ROBO1: variants seen among roughly 807,000 people sequenced by gnomAD.
The protein encoded by ROBO1 is roundabout guidance receptor 1.
Under a neutral mutation model 195.9 loss-of-function variants are expected in ROBO1, and 149 were observed. The observed-to-expected ratio is 0.76, with a 90% confidence interval of 0.67 to 0.87. The LOEUF (loss-of-function observed/expected upper bound fraction) is 0.87. ROBO1 is among the 40% of genes least tolerant of loss of function. The pLI, the probability that ROBO1 is intolerant of heterozygous loss-of-function variation, is 0.00. For synonymous variants in ROBO1, 816 were observed against 733.2 expected, an observed-to-expected ratio of 1.11 and a Z score of -1.82; for missense variants, 1,933 against 2,068.3, an observed-to-expected ratio of 0.93 and a Z score of 1.27.
At chr3:79,588,272 G>A (rs929132692) in intron 2 of ROBO1, among the ~76,000 whole-genome samples, 11 of 151,568 alleles carry the variant, frequency 7.3e-5, no homozygotes, top group Non-Finnish European at 1.6e-4. Flanking sequence ...ATATCCTTTT[G>A]AATAAAAAGG....
Position 78,945,226 on chromosome 3 carries a change from G to T in ROBO1, c.173-6299C>A, listed in dbSNP as rs540411018. Among the ~76,000 whole-genome samples the T allele has an allele frequency of 2.0e-5, 3 of 152,284 alleles. No individual in the cohort carries two copies. In the South Asian group the frequency reaches 6.2e-4, roughly 32 times the overall value. ...GAGAATGGGCAGACTGCCTCCTCAA[G>T]TGGGTCCCTGACCCCCGAGTAGCCT... On this transcript the variant is annotated intron_variant, in intron 3 of 30. Coordinates refer to ENST00000464233, the MANE Select transcript of ROBO1 (RefSeq NM_002941.4).
intron 1 of ROBO1, among the ~76,000 whole-genome samples, chr3:79,590,886 T>A (rs1943978568): frequency 6.6e-6 from 1 of 151,722 alleles, no homozygotes; most frequent in African/African-American, 2.4e-5. Flanking sequence ...TTTAGGCTAT[T>A]ATAAGGAGAG....
chr3:78,978,917 A>G (rs2076936727), intron 3 of ROBO1, among the ~76,000 whole-genome samples: 2 of 152,130 alleles, frequency 1.3e-5, no homozygotes, highest in African/African-American at 4.8e-5. Flanking sequence ...CAACATTAGT[A>G]CTCTTCAAGT....
chr3:79,422,165 T>C (rs541707095), intron 2 of ROBO1, among the ~76,000 whole-genome samples: 168 of 148,342 alleles, frequency 1.1e-3, no homozygotes, highest in Middle Eastern at 3.6e-3. Context: ...ATACAATACA[T>C]ATCTTATGTA....
intron 1 of ROBO1, among the ~76,000 whole-genome samples, chr3:79,633,871 G>C (rs1945419830): frequency 6.6e-6 from 1 of 152,068 alleles, no homozygotes; most frequent in African/African-American, 2.4e-5. Flanking sequence ...GTCCATCTCT[G>C]TGGTTCAGAT....
intron 3 of ROBO1, among the ~76,000 whole-genome samples, chr3:79,106,680 G>T (rs2079787572): frequency 6.6e-6 from 1 of 151,326 alleles, no homozygotes. Context: ...GAGTGTGAAT[G>T]ACATAGTACA....
chr3:79,343,615 G>A (rs2034995313), intron 2 of ROBO1, among the ~76,000 whole-genome samples: 1 of 152,180 alleles, frequency 6.6e-6, no homozygotes, highest in East Asian at 1.9e-4. Flanking sequence ...CGTAAACGTG[G>A]AATACACCGC....
chr3:79,394,739 T>G (rs929995342), intron 2 of ROBO1, among the ~76,000 whole-genome samples: 1 of 152,150 alleles, frequency 6.6e-6, no homozygotes, highest in Non-Finnish European at 1.5e-5. Context: ...TGATGAAAAT[T>G]CAACCTGTCA....
intron 2 of ROBO1, among the ~76,000 whole-genome samples, chr3:79,442,421 T>C (rs1256928432): frequency 6.6e-6 from 1 of 152,216 alleles, no homozygotes; most frequent in African/African-American, 2.4e-5. Context: ...TTTCCATTTA[T>C]TTCATAGATT....
intron 3 of ROBO1, among the ~76,000 whole-genome samples, chr3:79,113,075 C>G (rs72894181): frequency 0.13 from 20,515 of 152,020 alleles, 2,201 homozygotes; most frequent in African/African-American, 0.3. Context: ...GAGGGAGAAG[C>G]CAGGTGGTTG....
At chr3:79,752,073 C>T (rs1363255740) in intron 1 of ROBO1, among the ~76,000 whole-genome samples, 1 of 152,130 alleles carries the variant, frequency 6.6e-6, no homozygotes, top group Non-Finnish European at 1.5e-5. Context: ...CAAGCCAACA[C>T]ATTTTTATCT....
At chr3:79,270,179 T>A (rs532922358) in intron 2 of ROBO1, among the ~76,000 whole-genome samples, 2 of 140,784 alleles carry the variant, frequency 1.4e-5, no homozygotes, top group East Asian at 4.2e-4. Flanking sequence ...ATACATAATG[T>A]TCTCTCTCTC....
At chr3:78,828,519 A>G (rs2031846542) in intron 4 of ROBO1, among the ~76,000 whole-genome samples, 1 of 152,214 alleles carries the variant, frequency 6.6e-6, no homozygotes, top group Non-Finnish European at 1.5e-5. Flanking sequence ...TACTAACCCT[A>G]AAACAAATGT....
At chr3:78,752,049 G>C (rs774933633) in intron 4 of ROBO1, among the ~76,000 whole-genome samples, 1 of 152,048 alleles carries the variant, frequency 6.6e-6, no homozygotes, top group Non-Finnish European at 1.5e-5. Flanking sequence ...AAACTAAGGT[G>C]TATTGGAGGA....
intron 4 of ROBO1, among the ~76,000 whole-genome samples, chr3:78,935,884 T>C (rs2107669843): frequency 6.6e-6 from 1 of 152,158 alleles, no homozygotes; most frequent in African/African-American, 2.4e-5. Context: ...AAAACTACTA[T>C]ACATTTCCTA....
intron 4 of ROBO1, among the ~76,000 whole-genome samples, chr3:78,885,757 A>G (rs1328757792): frequency 6.6e-6 from 1 of 151,290 alleles, no homozygotes; most frequent in Non-Finnish European, 1.5e-5. Context: ...CAAAGATTCA[A>G]AGACTAGATT....
At chr3:79,389,931 A>C (rs907798678) in intron 2 of ROBO1, among the ~76,000 whole-genome samples, 2 of 152,092 alleles carry the variant, frequency 1.3e-5, no homozygotes, top group Non-Finnish European at 2.9e-5. Flanking sequence ...TTTTTTAAGA[A>C]TCATTTTGGT....
chr3:79,262,524 C>T (rs2082959765), intron 2 of ROBO1, among the ~76,000 whole-genome samples: 1 of 151,750 alleles, frequency 6.6e-6, no homozygotes, highest in African/African-American at 2.4e-5. Flanking sequence ...CTAAGCTATA[C>T]TTTCTGGAAA....
intron 4 of ROBO1, among the ~76,000 whole-genome samples, chr3:78,927,351 C>A (rs2039279913): frequency 6.6e-6 from 1 of 152,152 alleles, no homozygotes; most frequent in African/African-American, 2.4e-5. Flanking sequence ...TACCAAGGCA[C>A]TTTTAAAATT....
Sources: gnomAD v4.1 joint callset for allele counts (sites outside exome capture counted in the v4.1 genomes callset) on GRCh38, gnomAD v4.1.1 for gene constraint, MANE v1.5 for transcripts, NCBI Gene and HGNC (gene_info 2026-07-23, HGNC 2026-07-21) for gene names.